Variants in SLC12A8 observed in about 807,000 individuals in gnomAD.
SLC12A8 encodes solute carrier family 12 member 8.
SLC12A8 carries 69 observed loss-of-function variants against 75.6 expected under a neutral mutation model. The observed-to-expected ratio is 0.91, with a 90% confidence interval of 0.75 to 1.11. The LOEUF is 1.11. Among genes scored for constraint, SLC12A8 ranks in the 50% most tolerant of loss-of-function variants. The pLI is 0.00. For synonymous variants in SLC12A8, 365 were observed against 372.8 expected (o/e 0.98, Z 0.24); for missense variants, 877 against 896.7 (o/e 0.98, Z 0.28).
At chr3:125,084,105 C>G (rs1397106063) in intron 13 of SLC12A8, 53 bp from the exon 14 acceptor site, 1 of 1,502,776 alleles carries the variant, frequency 6.7e-7, no homozygotes. Flanking sequence ...AGAGACTGAA[C>G]AGTAGAGGTG....
chr3:125,208,524 T>C (rs1247528654), intron 2 of SLC12A8, among the ~76,000 whole-genome samples: 1 of 152,084 alleles, frequency 6.6e-6, no homozygotes, highest in East Asian at 1.9e-4. Context: ...TTACACAAAT[T>C]ATCTCTTTTA....
chr3:125,165,012 G>C (rs377644025), intron 5 of SLC12A8, among the ~76,000 whole-genome samples: 1 of 152,226 alleles, frequency 6.6e-6, no homozygotes. Flanking sequence ...CTTCCTCTCT[G>C]CTGGGCCAGG....
intron 4 of SLC12A8, among the ~76,000 whole-genome samples, chr3:125,185,688 T>C (rs1286925111): frequency 6.6e-6 from 1 of 152,164 alleles, no homozygotes; most frequent in South Asian, 2.1e-4. Context: ...ATATCCCTCA[T>C]GAATATATAC....
intron 5 of SLC12A8, among the ~76,000 whole-genome samples, chr3:125,168,714 G>C (rs905999203): frequency 6.6e-6 from 1 of 152,200 alleles, no homozygotes; most frequent in East Asian, 1.9e-4. Context: ...TCAAGGTCCT[G>C]GGGTTGAAGA....
At chr3:125,147,110 C>T (rs917846292) in intron 5 of SLC12A8, among the ~76,000 whole-genome samples, 3 of 152,248 alleles carry the variant, frequency 2.0e-5, no homozygotes, top group African/African-American at 7.2e-5. Context: ...CAATATCAAG[C>T]ACGCCCAACT....
intron 5 of SLC12A8, among the ~76,000 whole-genome samples, chr3:125,153,953 G>A (rs1933991222): frequency 6.6e-6 from 1 of 152,124 alleles, no homozygotes; most frequent in Non-Finnish European, 1.5e-5. Flanking sequence ...TTACCATGTT[G>A]GCCAGGCTGG....
intron 3 of SLC12A8, among the ~76,000 whole-genome samples, chr3:125,189,427 G>A (rs1934864311): frequency 2.0e-5 from 3 of 152,166 alleles, no homozygotes; most frequent in Admixed American, 2.0e-4. Context: ...TCAAAGCCTG[G>A]CTCAACTGCA....
At chr3:125,200,902 A>G (rs1399031682) in intron 2 of SLC12A8, among the ~76,000 whole-genome samples, 4 of 152,218 alleles carry the variant, frequency 2.6e-5, no homozygotes, top group Admixed American at 2.0e-4. Flanking sequence ...AGGGTTGCTC[A>G]GCCACCATTG....
intron 5 of SLC12A8, among the ~76,000 whole-genome samples, chr3:125,142,111 G>A (rs917435128): frequency 1.3e-5 from 2 of 152,234 alleles, no homozygotes; most frequent in Non-Finnish European, 2.9e-5. Flanking sequence ...TACCTCGCCA[G>A]ACGCGGCCTC....
At position 125,089,740 on chromosome 3, in the gene SLC12A8, G is replaced by A. The variant is rs1245644881; in HGVS notation, c.1922-1370C>T. Among the ~76,000 whole-genome samples, 3 of 12,148 alleles carry A rather than the reference G, an allele frequency of 2.5e-4. 1 individual carries two copies. The highest frequency in any genetic ancestry group is 4.4e-4 in the African/African-American group (1 of 2,254). 8.0% of individuals were successfully genotyped at this position (12,148 alleles called of 152,430 possible). On this transcript the variant is annotated intron_variant, in intron 12 of 13. Coordinates refer to ENST00000469902, the MANE Select transcript of SLC12A8 (RefSeq NM_024628.6). ...GTCTCACTCTGTTGCCCAGGCTGGA[G>A]TGCAATGGCTTGATCTCGGCTCACT... is the stretch of plus-strand genomic sequence containing the variant.
At chr3:125,205,998 G>C (rs1935220575) in intron 2 of SLC12A8, among the ~76,000 whole-genome samples, 1 of 152,076 alleles carries the variant, frequency 6.6e-6, no homozygotes, top group Non-Finnish European at 1.5e-5. Context: ...AAAAAGAGGG[G>C]CTAACAAGAC....
At chr3:125,202,900 CA>C (rs1451893914) in intron 2 of SLC12A8, among the ~76,000 whole-genome samples, 3 of 151,820 alleles carry the variant, frequency 2.0e-5, no homozygotes, top group Non-Finnish European at 2.9e-5. Flanking sequence ...CCAGCCTGCC[CA>C]ACATGGTGAA....
intron 2 of SLC12A8, among the ~76,000 whole-genome samples, chr3:125,208,789 C>CAGAGAGAGAGAGAG (rs1272180422): frequency 3.5e-3 from 348 of 98,436 alleles, no homozygotes; most frequent in Non-Finnish European, 5.8e-3. Flanking sequence ...CACACACACA[C>CAGAGAGAGAGAGAG]ACAGAGAGAG....
chr3:125,177,283 A>C (rs1367012566), intron 5 of SLC12A8, among the ~76,000 whole-genome samples: 2 of 141,246 alleles, frequency 1.4e-5, no homozygotes, highest in South Asian at 2.5e-4. Context: ...AATGAGAACA[A>C]ATGGACACAG....
At position 125,175,879 on chromosome 3, in the gene SLC12A8, C is replaced by G. The variant is rs149584414; in HGVS notation, c.622+1864G>C. ...TTGGCCCTGAGCATTAGAGTGGGCCCTGGGGTTAACCCTTTAGGTGCCGGA... is the reference window on the plus strand; with the variant it reads ...TTGGCCCTGAGCATTAGAGTGGGCCGTGGGGTTAACCCTTTAGGTGCCGGA... On this transcript the variant is annotated intron_variant, in intron 5 of 13. Transcript: ENST00000469902. 9.8e-5 allele frequency among the ~76,000 whole-genome samples: 15 copies of G among 152,306 alleles called. No individual in the cohort carries two copies. The East Asian group carries it at 2.9e-3, about 29-fold the overall frequency.
intron 5 of SLC12A8, among the ~76,000 whole-genome samples, chr3:125,170,718 T>A (rs1246919176): frequency 6.6e-6 from 1 of 151,998 alleles, no homozygotes; most frequent in Non-Finnish European, 1.5e-5. Flanking sequence ...ATGGAGACCA[T>A]CCTGGCTAAC....
At chr3:125,190,754 G>A (rs572648985) in intron 2 of SLC12A8, among the ~76,000 whole-genome samples, 1 of 152,358 alleles carries the variant, frequency 6.6e-6, no homozygotes, top group Admixed American at 6.5e-5. Context: ...TGTAACAACA[G>A]TGATTCCGTA....
At chr3:125,202,670 T>C (rs1294916453) in intron 2 of SLC12A8, among the ~76,000 whole-genome samples, 1 of 151,678 alleles carries the variant, frequency 6.6e-6, no homozygotes, top group African/African-American at 2.4e-5. Context: ...TCTAATGATG[T>C]TATGACAACT....
chr3:125,166,680 C>T (rs578056380), intron 5 of SLC12A8, among the ~76,000 whole-genome samples: 1 of 152,230 alleles, frequency 6.6e-6, no homozygotes, highest in Non-Finnish European at 1.5e-5. Flanking sequence ...AGTAACTCTT[C>T]TGTGTCTCCC....
Sources: allele counts gnomAD v4.1 joint callset (sites outside exome capture counted in the v4.1 genomes callset), GRCh38; gene constraint gnomAD v4.1.1; transcripts MANE v1.5; gene names NCBI Gene and HGNC (gene_info 2026-07-23, HGNC 2026-07-21).